NAA11: variants seen among roughly 807,000 people sequenced by gnomAD.
NAA11 encodes N-alpha-acetyltransferase 11, NatA catalytic subunit, also known as N-alpha-acetyltransferase 11.
A neutral mutation model predicts 16.1 loss-of-function variants in NAA11; 15 were observed. That is an observed-to-expected ratio of 0.93 (90% CI 0.62 to 1.44). The LOEUF is 1.44. Among genes scored for constraint, NAA11 ranks in the 40% most tolerant of loss-of-function variants. The probability of loss-of-function intolerance (pLI) is 0.00; values close to 1 mark genes in which losing one functional copy is unlikely to be tolerated. For missense variants in NAA11, 298 were observed against 291.3 expected, an observed-to-expected ratio of 1.02 and a Z score of -0.17; for synonymous variants, 122 against 112.4, an observed-to-expected ratio of 1.09 and a Z score of -0.54.
the NAA11 span, among the ~76,000 whole-genome samples, chr4:79,155,800 C>A: frequency 6.6e-6 from 1 of 152,228 alleles, no homozygotes; most frequent in African/African-American, 2.4e-5. Context: ...TATCAGGACT[C>A]ATTTTACCCA....
the NAA11 span, among the ~76,000 whole-genome samples, chr4:79,213,475 T>C: frequency 6.6e-6 from 1 of 152,276 alleles, no homozygotes; most frequent in Non-Finnish European, 1.5e-5. Context: ...TATTTGAAAT[T>C]TTATCAGCAT....
At position 79,253,935 on chromosome 4, in the gene NAA11, C is replaced by T. The variant is rs148624698; in HGVS notation, c.*123-27665G>A. Among the ~76,000 whole-genome samples the T allele has an allele frequency of 2.4e-3, 371 of 152,310 alleles. 4 individuals are homozygous for T. Among genetic ancestry groups the T allele is most frequent in the African/African-American group, 8.4e-3 (350 of 41,568 alleles). On this transcript the variant is annotated intron_variant and NMD_transcript_variant, in intron 2 of 2. Transcript: ENST00000511542. ...TTTTCGTTGACATCTTCATTAGAAT[C>T]AGTAGCATTGAATAAGAATAGCTTC...
chr4:79,293,011 A>G (rs1464603870), intron 2 of NAA11, among the ~76,000 whole-genome samples: 1 of 152,182 alleles, frequency 6.6e-6, no homozygotes, highest in Non-Finnish European at 1.5e-5. Flanking sequence ...AAAAGAAATT[A>G]TATTTGTTGT....
chr4:79,203,784 G>C, the NAA11 span, among the ~76,000 whole-genome samples: 1 of 151,692 alleles, frequency 6.6e-6, no homozygotes, highest in Admixed American at 6.6e-5. Flanking sequence ...ATTTGAAATA[G>C]ATGTGACACT....
downstream of NAA11, among the ~76,000 whole-genome samples, chr4:79,225,155 G>T (rs961357696): frequency 1.3e-5 from 2 of 151,984 alleles, no homozygotes; most frequent in Non-Finnish European, 1.5e-5. Flanking sequence ...CCATACTAAT[G>T]TAAGATATTA....
chr4:79,228,136 A>T (rs537380080), intron 2 of NAA11, among the ~76,000 whole-genome samples: 1 of 151,960 alleles, frequency 6.6e-6, no homozygotes, highest in East Asian at 1.9e-4. Context: ...CTGCCCTCTC[A>T]TTTAATTTTT....
the NAA11 span, among the ~76,000 whole-genome samples, chr4:79,159,210 G>C: frequency 6.6e-6 from 1 of 152,154 alleles, no homozygotes; most frequent in South Asian, 2.1e-4. Context: ...CTAATATGCA[G>C]AATCTACAAG....
At chr4:79,211,721 A>G in the NAA11 span, 2 of 152,236 alleles carry the variant, frequency 1.3e-5, no homozygotes, top group Non-Finnish European at 2.9e-5. Context: ...CTCTGTCCCA[A>G]TATGCTTCCC....
chr4:79,221,272 G>C (rs1430746510), downstream of NAA11, among the ~76,000 whole-genome samples: 2 of 151,732 alleles, frequency 1.3e-5, no homozygotes, highest in Admixed American at 6.6e-5. Flanking sequence ...AGGAGATTTG[G>C]GGCTGAGACA....
chr4:79,244,955 G>C (rs1721777234), intron 2 of NAA11: 1 of 168,080 alleles, frequency 5.9e-6, no homozygotes, highest in Non-Finnish European at 1.2e-5. Context: ...TTGGAGTGCA[G>C]TGGCGTGATC....
the NAA11 span, among the ~76,000 whole-genome samples, chr4:79,190,950 G>T: frequency 6.6e-6 from 1 of 152,042 alleles, no homozygotes; most frequent in African/African-American, 2.4e-5. Flanking sequence ...GCATTGTTTT[G>T]CTAAAAATAA....
the NAA11 span, among the ~76,000 whole-genome samples, chr4:79,201,006 T>C: frequency 6.6e-6 from 1 of 151,742 alleles, no homozygotes. Context: ...AATAAAATTG[T>C]AAGTTGCTTT....
the NAA11 span, among the ~76,000 whole-genome samples, chr4:79,187,730 T>C: frequency 6.6e-6 from 1 of 152,058 alleles, no homozygotes; most frequent in Non-Finnish European, 1.5e-5. Flanking sequence ...TAGAAATGCT[T>C]GTGAGGCTGT....
chr4:79,187,506 C>A, the NAA11 span, among the ~76,000 whole-genome samples: 8 of 152,286 alleles, frequency 5.3e-5, no homozygotes, highest in East Asian at 5.8e-4. Context: ...TAAATACTAA[C>A]CGTGACAGTT....
intron 1 of NAA11, chr4:79,306,811 T>C (rs1399451640): frequency 6.6e-6 from 1 of 152,180 alleles, no homozygotes; most frequent in Non-Finnish European, 1.5e-5. Flanking sequence ...TCTGGAATAT[T>C]TTTTCATTAT....
the NAA11 span, among the ~76,000 whole-genome samples, chr4:79,161,132 A>G: frequency 1.3e-5 from 2 of 152,164 alleles, no homozygotes; most frequent in Non-Finnish European, 2.9e-5. Flanking sequence ...GTAGGTATCC[A>G]GCTTCATTCT....
chr4:79,181,448 A>G, the NAA11 span, among the ~76,000 whole-genome samples: 1 of 152,158 alleles, frequency 6.6e-6, no homozygotes, highest in African/African-American at 2.4e-5. Context: ...TTTAGAGTAG[A>G]AAGTTACAAC....
chr4:79,233,089 GT>G (rs1440004267), intron 2 of NAA11, among the ~76,000 whole-genome samples: 1 of 151,910 alleles, frequency 6.6e-6, no homozygotes, highest in African/African-American at 2.4e-5. Flanking sequence ...CCTGGCCTTA[GT>G]CATTATTAGC....
At chr4:79,303,071 GCCTTTTATATATATATAT>G (rs1331254825) in intron 1 of NAA11, among the ~76,000 whole-genome samples, 44 of 86,596 alleles carry the variant, frequency 5.1e-4, no homozygotes, top group African/African-American at 1.9e-3. Flanking sequence ...TTCTCTTGAG[GCCTTTTATATATATATAT>G]ATATATATAT....
Sources: allele counts gnomAD v4.1 joint callset (sites outside exome capture counted in the v4.1 genomes callset), GRCh38; gene constraint gnomAD v4.1.1; transcripts MANE v1.5; gene names NCBI Gene and HGNC (gene_info 2026-07-23, HGNC 2026-07-21).